CFAP44: variants seen among roughly 807,000 people sequenced by gnomAD.
The protein encoded by CFAP44 is cilia- and flagella-associated protein 44.
CFAP44 carries 134 observed loss-of-function variants against 216.2 expected under a neutral mutation model. The ratio of observed to expected loss-of-function variants is 0.62; its 90% CI spans 0.54 to 0.72. CFAP44 has a LOEUF of 0.72. CFAP44 is among the 30% of genes least tolerant of loss of function. The pLI, the probability that CFAP44 is intolerant of heterozygous loss-of-function variation, is 0.00. For missense variants in CFAP44, 2,035 were observed against 2,182.1 expected, an observed-to-expected ratio of 0.93 and a Z score of 1.34; for synonymous variants, 700 against 727.6, an observed-to-expected ratio of 0.96 and a Z score of 0.61.
intron 28 of CFAP44, among the ~76,000 whole-genome samples, chr3:113,317,890 A>G (rs1950103511): frequency 6.6e-6 from 1 of 152,240 alleles, no homozygotes; most frequent in East Asian, 1.9e-4. Context: ...GCACAGTGCC[A>G]GTGATTGGAG....
chr3:113,328,716 AAAAAAAAAAAAAC>A, intron 26 of CFAP44, among the ~76,000 whole-genome samples: 3 of 145,734 alleles, frequency 2.1e-5, no homozygotes, highest in Admixed American at 1.3e-4. Context: ...AAAAAAAAAA[AAAAAAAAAAAAAC>A]AGAGAGAGAA....
chr3:113,320,458 CTA>C (rs10548191), intron 28 of CFAP44, among the ~76,000 whole-genome samples: 6,040 of 93,950 alleles, frequency 0.064, 416 homozygotes, highest in African/African-American at 0.23. Context: ...TATATTACAT[CTA>C]TATATCATAT....
At chr3:113,360,730 T>G (rs1301961768) in intron 21 of CFAP44, 1 of 154,462 alleles carries the variant, frequency 6.5e-6, no homozygotes, top group African/African-American at 2.4e-5. Context: ...TGTGGTAGTT[T>G]TATCAGCATA....
chr3:113,394,158 C>CA (rs1457022780), intron 15 of CFAP44, among the ~76,000 whole-genome samples: 4 of 152,158 alleles, frequency 2.6e-5, no homozygotes, highest in Non-Finnish European at 4.4e-5. Context: ...CACAACCACC[C>CA]AGGACATTGA....
At chr3:113,407,501 A>C (rs1357256382) in intron 7 of CFAP44, among the ~76,000 whole-genome samples, 2 of 152,196 alleles carry the variant, frequency 1.3e-5, no homozygotes, top group African/African-American at 4.8e-5. Flanking sequence ...ATTGTTTTAG[A>C]AGACATAAAA....
chr3:113,400,481 A>C (rs1934111341), intron 12 of CFAP44, 64 bp downstream of exon 12: 1 of 1,383,094 alleles, frequency 7.2e-7, no homozygotes, highest in East Asian at 2.4e-5. Context: ...AACACATATA[A>C]AAATTTTATT....
chr3:113,410,987 G>C (rs1576596721), intron 6 of CFAP44, among the ~76,000 whole-genome samples: 1 of 152,142 alleles, frequency 6.6e-6, no homozygotes, highest in Admixed American at 6.5e-5. Flanking sequence ...CCCACTTTTT[G>C]ATGGGGTTGT....
intron 32 of CFAP44, among the ~76,000 whole-genome samples, chr3:113,299,182 C>T (rs1234317997): frequency 1.3e-5 from 2 of 152,148 alleles, no homozygotes; most frequent in East Asian, 1.9e-4. Flanking sequence ...GGGTTAATAA[C>T]CAGAATATAT....
rs1376835580 is a variant in CFAP44 at position 113,306,234 on chromosome 3, G to T, written c.4725C>A (p.Asn1575Lys). The change falls in exon 30 of 35, where the codon AAC becomes AAA. Residue 1575 changes from asparagine to lysine, a missense_variant. By Grantham distance (94) the Asn-to-Lys change is moderately conservative. This residue lies in a region of CFAP44 where 1,883 missense variants were observed against 2,023.7 expected (regional missense o/e 0.93). Transcript: ENST00000393845. Reference protein sequence around the residue: ...ALVEEKKIVDNLKKEYDTLSK... With the variant: ...ALVEEKKIVDKLKKEYDTLSK... The stretch of plus-strand genomic sequence containing the variant: ...ACAATGTATCATATTCCTTTTTGAG[G>T]TTATCAACAATTTTCTTTTCTTCAA... The T allele has an allele frequency of 1.3e-6, 2 of 1,536,510 alleles. No individual in the cohort carries two copies. The highest frequency in any genetic ancestry group is 2.4e-5 in the East Asian group (1 of 40,908).
chr3:113,337,776 A>G (rs1950293162), intron 24 of CFAP44, among the ~76,000 whole-genome samples: 1 of 152,230 alleles, frequency 6.6e-6, no homozygotes, highest in Non-Finnish European at 1.5e-5. Context: ...CCTAAGTCTG[A>G]TAACTTATTT....
At chr3:113,396,388 A>G in intron 14 of CFAP44, 130 bp downstream of exon 14, 2 of 1,075,148 alleles carry the variant, frequency 1.9e-6, no homozygotes, top group Non-Finnish European at 2.6e-6. Context: ...TATGACTACA[A>G]AGAAAGCAAA....
At position 113,433,618 on chromosome 3, in the gene CFAP44, G is replaced by A; in HGVS notation, c.47C>T (p.Thr16Ile). Residue 16 changes from threonine to isoleucine, a missense_variant, in exon 2 of 35, where the codon ACA becomes ATA. Around this residue, in one of 3 missense-constraint regions of CFAP44, gnomAD observed 149 missense variants for 141.8 expected, o/e 1.05. Coordinates refer to ENST00000393845, the MANE Select transcript of CFAP44 (RefSeq NM_001164496.2). Reference protein sequence around the residue: ...DQDTDGEKSVTSKSDGKKSLR... With the variant: ...DQDTDGEKSVISKSDGKKSLR... Reference sequence around the variant, plus strand: ...AGACTTCTTCCCATCACTCTTTGATGTAACTGATTTCTCCCCATCAGTATC... The same window carrying A: ...AGACTTCTTCCCATCACTCTTTGATATAACTGATTTCTCCCCATCAGTATC... 1 of 1,613,206 alleles carries A rather than the reference G, an allele frequency of 6.2e-7. No homozygotes were observed. Among genetic ancestry groups the A allele is most frequent in the South Asian group, 1.1e-5 (1 of 91,068 alleles).
At chr3:113,315,956 T>A (rs1417244120) in intron 28 of CFAP44, among the ~76,000 whole-genome samples, 6 of 152,232 alleles carry the variant, frequency 3.9e-5, no homozygotes, top group Non-Finnish European at 7.3e-5. Flanking sequence ...GATAGGTTTA[T>A]CAGGACATAC....
Position 113,316,078 on chromosome 3 carries a change from T to C in CFAP44, c.4517-7810A>G, listed in dbSNP as rs11920730. Among the ~76,000 whole-genome samples, 291 of 152,252 alleles carry C rather than the reference T, an allele frequency of 1.9e-3. 2 individuals carry two copies. The highest frequency in any genetic ancestry group is 5.7e-3 in the African/African-American group (238 of 41,556). ...ACAAACCTCAACAATTACAAAAGAA[T>C]TGAAATAATACAGAATATGTTCTCC... On this transcript the variant is annotated intron_variant, in intron 28 of 34. Transcript: ENST00000393845.
chr3:113,309,008 G>A (rs1431136543), intron 28 of CFAP44, among the ~76,000 whole-genome samples: 2 of 152,166 alleles, frequency 1.3e-5, no homozygotes, highest in African/African-American at 4.8e-5. Flanking sequence ...GTACTAAGAT[G>A]TTTGATTTTG....
At chr3:113,345,332 CT>C (rs1455908270) in intron 22 of CFAP44, among the ~76,000 whole-genome samples, 2 of 151,904 alleles carry the variant, frequency 1.3e-5, no homozygotes, top group African/African-American at 2.4e-5. Flanking sequence ...AATGTTCATT[CT>C]TCACCTCACA....
At chr3:113,298,011 A>G (rs1452014367) in intron 32 of CFAP44, among the ~76,000 whole-genome samples, 1 of 152,268 alleles carries the variant, frequency 6.6e-6, no homozygotes, top group Non-Finnish European at 1.5e-5. Context: ...TGTGGTGGCC[A>G]TCTAATCAGT....
intron 3 of CFAP44, 146 bp downstream of exon 3, chr3:113,427,041 C>T (rs989496904): frequency 5.7e-6 from 5 of 876,268 alleles, no homozygotes; most frequent in Non-Finnish European, 6.9e-6. Context: ...AAGTACCCTA[C>T]CAAAATATGT....
intron 14 of CFAP44, 95 bp from the exon 15 acceptor site, chr3:113,395,955 A>C: frequency 2.4e-6 from 2 of 818,106 alleles, no homozygotes; most frequent in Non-Finnish European, 3.8e-6. Context: ...CGCTATCTCT[A>C]TCTACAATGG....
Sources: allele counts gnomAD v4.1 joint callset (sites outside exome capture counted in the v4.1 genomes callset), GRCh38; gene constraint gnomAD v4.1.1; regional missense constraint gnomAD v4.1.1; transcripts MANE v1.5; gene names NCBI Gene and HGNC (gene_info 2026-07-23, HGNC 2026-07-21).